RBSN: variants seen among roughly 807,000 people sequenced by gnomAD.
The protein encoded by RBSN is rabenosyn, RAB effector, also known as rabenosyn-5.
A neutral mutation model predicts 60.5 loss-of-function variants in RBSN; 34 were observed. That is an observed-to-expected ratio of 0.56 (90% CI 0.43 to 0.75). The LOEUF (loss-of-function observed/expected upper bound fraction) is 0.75, where lower values mean the gene tolerates loss of function less well. Among genes scored for constraint, RBSN ranks in the 30% least tolerant of loss-of-function variants. The probability of loss-of-function intolerance (pLI) is 0.00; values close to 1 mark genes in which losing one functional copy is unlikely to be tolerated. For missense variants in RBSN, 845 were observed against 986.8 expected, an observed-to-expected ratio of 0.86 and a Z score of 1.92; for synonymous variants, 322 against 366.9, an observed-to-expected ratio of 0.88 and a Z score of 1.40.
intron 6 of RBSN, among the ~76,000 whole-genome samples, chr3:15,085,410 C>G (rs929383146): frequency 1.3e-5 from 2 of 152,164 alleles, no homozygotes; most frequent in Admixed American, 1.3e-4. Flanking sequence ...ACAAAGTACA[C>G]ATAAAGAACT....
Position 15,074,235 on chromosome 3 carries a change from G to A in RBSN, c.1902C>T (p.Ser634=). The A allele has an allele frequency of 6.2e-7, 1 of 1,609,716 alleles. No homozygotes were observed. The highest frequency in any genetic ancestry group is 8.5e-7 in the Non-Finnish European group (1 of 1,177,676). Residue 634 remains serine, a synonymous_variant, in exon 14 of 14, where the codon TCC becomes TCT. Coordinates refer to ENST00000253699, the MANE Select transcript of RBSN (RefSeq NM_022340.4). The surrounding 1 kb of genome is among the most constrained non-coding windows in gnomAD (Gnocchi z 6.4). ...CAGTAGTGGCCTCTTCCATGGGGCT[G>A]GAGAGGTCTTCCTCATCAAAGGGGT... The part of the protein sequence containing the change: ...SLNPFDEEDL[S]SPMEEATTGP...
At position 15,080,716 on chromosome 3, in the gene RBSN, T is replaced by C. The variant is rs758990974; in HGVS notation, c.911+16A>G. On this transcript the variant is annotated intron_variant, in intron 10 of 13. Coordinates refer to ENST00000253699, the MANE Select transcript of RBSN (RefSeq NM_022340.4). ...CAGTCACCACTGGATTAGAAAAACA[T>C]AGATGAATAGCTTACTTTAATGATG... 14 of 1,612,698 alleles carry C rather than the reference T, an allele frequency of 8.7e-6. No homozygotes were observed. The South Asian group carries it at 1.5e-4, about 18-fold the overall frequency.
intron 4 of RBSN, chr3:15,091,210 CAAAAAAAAAAAAAA>C (rs55655564): frequency 3.0e-4 from 33 of 111,454 alleles, no homozygotes; most frequent in South Asian, 5.2e-4. Flanking sequence ...GACCCTGTCT[CAAAAAAAAAAAAAA>C]AAAAAAAAAA....
chr3:15,094,529 T>C (rs1489184943), intron 4 of RBSN, among the ~76,000 whole-genome samples: 1 of 152,240 alleles, frequency 6.6e-6, no homozygotes, highest in Non-Finnish European at 1.5e-5. Flanking sequence ...ACCAATCACC[T>C]TCTTGCAGAG....
At chr3:15,083,119 G>A (rs2043249099) in intron 8 of RBSN, among the ~76,000 whole-genome samples, 1 of 152,116 alleles carries the variant, frequency 6.6e-6, no homozygotes, top group African/African-American at 2.4e-5. Context: ...GGTACGAACT[G>A]TGTCTTACTC....
At chr3:15,095,050 GT>G (rs2043615297) in intron 4 of RBSN, among the ~76,000 whole-genome samples, 1 of 151,420 alleles carries the variant, frequency 6.6e-6, no homozygotes, top group South Asian at 2.1e-4. Flanking sequence ...CTCTCTCTCT[GT>G]TGCCCAGGTG....
At chr3:15,081,022 G>GTT in intron 9 of RBSN, 14 of 490,564 alleles carry the variant, frequency 2.9e-5, no homozygotes, top group East Asian at 1.0e-4. Flanking sequence ...GTTTCGTTTT[G>GTT]TTTTTTTTTG....
chr3:15,090,034 G>A (rs569123586), intron 5 of RBSN, among the ~76,000 whole-genome samples: 1 of 152,280 alleles, frequency 6.6e-6, no homozygotes, highest in African/African-American at 2.4e-5. Context: ...TCACTGGGCA[G>A]GTAATGTCCT....
chr3:15,093,532 C>T (rs907465971), intron 4 of RBSN, among the ~76,000 whole-genome samples: 2 of 152,040 alleles, frequency 1.3e-5, no homozygotes, highest in African/African-American at 4.8e-5. Context: ...ATTGGGACTA[C>T]GAGTGCGTGC....
chr3:15,083,488 G>A (rs1030436372), intron 8 of RBSN, among the ~76,000 whole-genome samples: 1 of 152,110 alleles, frequency 6.6e-6, no homozygotes, highest in Non-Finnish European at 1.5e-5. Flanking sequence ...AAGTCCTGGA[G>A]GATCGGGTTC....
intron 2 of RBSN, among the ~76,000 whole-genome samples, chr3:15,097,565 A>G (rs2043694468): frequency 6.6e-6 from 1 of 152,180 alleles, no homozygotes; most frequent in East Asian, 1.9e-4. Flanking sequence ...TTTGGGGCCT[A>G]AACACTTCAG....
chr3:15,091,376 C>A, intron 4 of RBSN: 2 of 1,153,430 alleles, frequency 1.7e-6, no homozygotes, highest in South Asian at 1.7e-5. Flanking sequence ...CATCCGTGGA[C>A]TGGTGTTCCC....
At chr3:15,086,275 A>T (rs181456091) in intron 5 of RBSN, among the ~76,000 whole-genome samples, 135 of 152,262 alleles carry the variant, frequency 8.9e-4, no homozygotes, top group African/African-American at 2.6e-3. Context: ...AAGAAAAAAA[A>T]ATATATTTCA....
At position 15,090,526 on chromosome 3, in the gene RBSN, C is replaced by T. The variant is rs1283340741; in HGVS notation, c.162G>A (p.Lys54=). Residue 54 remains lysine (K), a synonymous_variant, in exon 5 of 14, where the codon AAG becomes AAA. Transcript: ENST00000253699. The part of the protein sequence containing the change: ...VKGQIKSLVQ[K]AKKAKDRLLK... ...ACAACCTGTCCTTTGCTTTTTTAGC[C>T]TTCTGGACAAGACCTTGAAAAATGG... is the stretch of plus-strand genomic sequence containing the variant. The T allele has an allele frequency of 1.2e-6, 2 of 1,614,022 alleles. No individual in the cohort carries two copies. Among genetic ancestry groups the T allele is most frequent in the Admixed American group, 1.7e-5 (1 of 59,996 alleles).
In RBSN at chr3:15,073,834, TTC is replaced by T. The variant is rs1245463059; in HGVS notation, c.2301_2302del (p.Asn768SerfsTer16). 1.9e-6 allele frequency: 3 copies of T among 1,613,608 alleles called. No homozygotes were observed. Among genetic ancestry groups the T allele is most frequent in the Non-Finnish European group, 2.5e-6 (3 of 1,179,898 alleles). On this transcript the variant is annotated frameshift_variant, in exon 14 of 14. Transcript: ENST00000253699. LOFTEE classifies it high-confidence loss of function. Reference sequence around the variant, plus strand: ...CAGGGTGTGCTTCAGCTCCCGCAGATTCTCTGTCAGCACCTCTACCTCATCCA... The same window carrying T: ...CAGGGTGTGCTTCAGCTCCCGCAGATTCTGTCAGCACCTCTACCTCATCCA...
Position 15,070,260 on chromosome 3 carries a change from A to G in RBSN, c.*3522T>C, listed in dbSNP as rs2042901572. 1 of 152,652 alleles carries G rather than the reference A, an allele frequency of 6.6e-6. No individual in the cohort carries two copies. The highest frequency in any genetic ancestry group is 2.4e-5 in the African/African-American group (1 of 41,440). 9.5% of individuals were successfully genotyped at this position (152,652 alleles called of 1,614,324 possible). A position where few individuals can be genotyped will look rare whatever the true frequency, so the allele number is the denominator to read the frequency against. On this transcript the variant is annotated 3_prime_UTR_variant, in exon 14 of 14. Coordinates refer to ENST00000253699, the MANE Select transcript of RBSN (RefSeq NM_022340.4). The stretch of plus-strand genomic sequence containing the variant: ...CCATCACCAACTATGCCAATGTCCA[A>G]CCTACCACACAGCTCACAATGACTC...
In RBSN at chr3:15,072,325, G is replaced by C. The variant is rs2042942048; in HGVS notation, c.*1457C>G. 1 of 152,248 alleles carries C rather than the reference G, an allele frequency of 6.6e-6. No individual in the cohort carries two copies. Among genetic ancestry groups the C allele is most frequent in the South Asian group, 2.1e-4 (1 of 4,836 alleles). 9.4% of individuals were successfully genotyped at this position (152,248 alleles called of 1,614,324 possible). ...AAATATCACTTGAACCAGGGAGGTG[G>C]AGGTTGCAGTGAGCTGAGATCATGC... On this transcript the variant is annotated 3_prime_UTR_variant, in exon 14 of 14. Coordinates refer to ENST00000253699, the MANE Select transcript of RBSN (RefSeq NM_022340.4).
intron 2 of RBSN, among the ~76,000 whole-genome samples, chr3:15,097,118 C>G (rs949427856): frequency 1.4e-4 from 21 of 152,134 alleles, no homozygotes; most frequent in African/African-American, 5.1e-4. Context: ...CCTGAGCCCC[C>G]CCAAACTGCT....
At chr3:15,086,953 A>G (rs1185494099) in intron 5 of RBSN, among the ~76,000 whole-genome samples, 3 of 152,242 alleles carry the variant, frequency 2.0e-5, no homozygotes, top group African/African-American at 4.8e-5. Flanking sequence ...CACTCAGTGC[A>G]TGTCCTCTTC....
Sources: gnomAD v4.1 joint callset for allele counts (sites outside exome capture counted in the v4.1 genomes callset) on GRCh38, gnomAD v4.1.1 for gene constraint, Gnocchi (gnomAD v3.1) non-coding constraint, MANE v1.5 for transcripts, NCBI Gene and HGNC (gene_info 2026-07-23, HGNC 2026-07-21) for gene names.